WWTR1: variants seen among roughly 807,000 people sequenced by gnomAD.
WWTR1 encodes WW domain-containing transcription regulator protein 1.
A neutral mutation model predicts 40.1 loss-of-function variants in WWTR1; 13 were observed. That is an observed-to-expected ratio of 0.32 (90% confidence interval 0.21 to 0.52). WWTR1 has a LOEUF of 0.52. Among genes scored for constraint, WWTR1 ranks in the 20% least tolerant of loss-of-function variants. The probability of loss-of-function intolerance (pLI) is 0.97; values close to 1 mark genes in which losing one functional copy is unlikely to be tolerated. For missense variants in WWTR1, 436 were observed against 523.1 expected (o/e 0.83, Z 1.63); for synonymous variants, 230 against 210.1 (o/e 1.09, Z -0.82).
intron 4 of WWTR1, among the ~76,000 whole-genome samples, chr3:149,720,220 T>C (rs1715722922): frequency 6.6e-6 from 1 of 152,186 alleles, no homozygotes; most frequent in Non-Finnish European, 1.5e-5. Flanking sequence ...GTTTTTGCCT[T>C]ATGTTTTCTT....
At chr3:149,538,827 T>C (rs994482381) in intron 4 of WWTR1, among the ~76,000 whole-genome samples, 6 of 152,246 alleles carry the variant, frequency 3.9e-5, no homozygotes, top group African/African-American at 1.2e-4. Context: ...ACTCTTCTGG[T>C]CTTTAACTTG....
At chr3:149,541,384 C>T (rs1736094679) in intron 4 of WWTR1, among the ~76,000 whole-genome samples, 1 of 152,194 alleles carries the variant, frequency 6.6e-6, no homozygotes, top group South Asian at 2.1e-4. Flanking sequence ...CGGCAACACA[C>T]TCCTGACTGA....
intron 4 of WWTR1, among the ~76,000 whole-genome samples, chr3:149,535,305 C>A (rs2107924022): frequency 6.6e-6 from 1 of 152,000 alleles, no homozygotes; most frequent in South Asian, 2.1e-4. Context: ...AAATTGCTTT[C>A]TCTGCCAAAA....
intron 2 of WWTR1, among the ~76,000 whole-genome samples, chr3:149,615,742 G>GA (rs1560086419): frequency 6.6e-6 from 1 of 152,156 alleles, no homozygotes; most frequent in Non-Finnish European, 1.5e-5. Context: ...GAAACAGATC[G>GA]AAAGAAACAA....
At chr3:149,528,085 C>T in intron 4 of WWTR1, 116 bp from the exon 5 acceptor site, 1 of 1,331,980 alleles carries the variant, frequency 7.5e-7, no homozygotes, top group Non-Finnish European at 1.0e-6. Flanking sequence ...TTACTCCCAG[C>T]AAGTCAAAAT....
chr3:149,699,292 C>CTTTTTTT (rs35576449), intron 1 of WWTR1, among the ~76,000 whole-genome samples: 2 of 131,748 alleles, frequency 1.5e-5, no homozygotes, highest in Non-Finnish European at 3.3e-5. Context: ...GGTCATCATT[C>CTTTTTTT]TTTTTTTTTT....
Position 149,721,346 on chromosome 3 carries a change from C to G in WWTR1, n.459+2734G>C, listed in dbSNP as rs139751986. 2.6e-5 allele frequency among the ~76,000 whole-genome samples: 4 copies of G among 152,284 alleles called. No individual in the cohort carries two copies. The East Asian group carries it at 7.7e-4, about 29-fold the overall frequency. ...AATTTTGTCAAATGCTTTTTCTGCA[C>G]CACTTGGGATGATCATGTGGCTTTC... On this transcript the variant is annotated intron_variant and non_coding_transcript_variant, in intron 4 of 6. Coordinates refer to the WWTR1 transcript ENST00000474080.
rs1429155932 is a variant in WWTR1, at chr3:149,519,223, A to T, written c.*1582T>A. The T allele has an allele frequency of 6.6e-6, 1 of 152,248 alleles. No individual in the cohort carries two copies. The highest frequency in any genetic ancestry group is 1.5e-5 in the Non-Finnish European group (1 of 68,044). 9.4% of individuals were successfully genotyped at this position (152,248 alleles called of 1,614,324 possible). A position where few individuals can be genotyped will look rare whatever the true frequency, so the allele number is the denominator to read the frequency against. On this transcript the variant is annotated 3_prime_UTR_variant, in exon 7 of 7. Transcript: ENST00000360632. Reference sequence around the variant, plus strand: ...ATGCTCTCTCAGTCCTTAAAAGCTAATTAAAAATGGTTTTGGTTACATAAG... The same window carrying T: ...ATGCTCTCTCAGTCCTTAAAAGCTATTTAAAAATGGTTTTGGTTACATAAG...
chr3:149,688,227 G>A lies in WWTR1; in HGVS notation c.-108+14897C>T, dbSNP rs570781050. On this transcript the variant is annotated intron_variant, in intron 1 of 7. Transcript: ENST00000465804. ...AACCCACTGCCCTGAAGGGAAAGAC[G>A]CAAGCCTGGCAGGATTCATCACCTC... 1.3e-3 allele frequency among the ~76,000 whole-genome samples: 200 copies of A among 152,130 alleles called. 1 individual carries two copies. Among genetic ancestry groups the A allele is most frequent in the African/African-American group, 4.3e-3 (180 of 41,500 alleles).
In WWTR1 at chr3:149,518,246, A is replaced by T. The variant is rs901659703; in HGVS notation, c.*2559T>A. 2 of 152,130 alleles carry T rather than the reference A, an allele frequency of 1.3e-5. No homozygotes were observed. Among genetic ancestry groups the T allele is most frequent in the Non-Finnish European group, 2.9e-5 (2 of 68,020 alleles). 9.4% of individuals were successfully genotyped at this position (152,130 alleles called of 1,614,324 possible). On this transcript the variant is annotated 3_prime_UTR_variant, in exon 7 of 7. Transcript: ENST00000360632. ...TGTTCTAACTAATTTAACTAAAAAA[A>T]TCTTCTAGTATTTTCTGATGCCACA...
rs529748023 is a variant in WWTR1 at position 149,657,762 on chromosome 3, T to C, written c.-4+3A>G. ...TGAGCGCGCGAGCTCCAGCGGGCAC[T>C]ACCTGGGCGGGCAGCGAAGCTGAGC... is the stretch of plus-strand genomic sequence containing the variant. On this transcript the variant is annotated splice_donor_region_variant and intron_variant, in intron 1 of 6. Transcript: ENST00000360632. The C allele has an allele frequency of 6.3e-6, 1 of 158,190 alleles. No homozygotes were observed. Among genetic ancestry groups the C allele is most frequent in the Admixed American group, 6.3e-5 (1 of 15,918 alleles). The allele number at this position is 158,190 out of a possible 1,614,324, so 9.8% of individuals were successfully genotyped here.
intron 3 of WWTR1, among the ~76,000 whole-genome samples, chr3:149,556,943 C>T (rs1171217405): frequency 6.6e-6 from 1 of 151,958 alleles, no homozygotes; most frequent in Non-Finnish European, 1.5e-5. Flanking sequence ...GTAGTATACA[C>T]TCATTTTGGT....
At chr3:149,540,940 A>G (rs1292773507) in intron 4 of WWTR1, 21 of 442,538 alleles carry the variant, frequency 4.7e-5, no homozygotes, top group Admixed American at 1.0e-4. Context: ...TTGATGAGAA[A>G]TACATTATTC....
chr3:149,665,915 T>C (rs1444280324), intron 2 of WWTR1, among the ~76,000 whole-genome samples: 2 of 152,182 alleles, frequency 1.3e-5, no homozygotes, highest in Non-Finnish European at 2.9e-5. Flanking sequence ...GAGAACTAAT[T>C]AGCAGTGTTT....
chr3:149,647,860 A>G (rs1340157478), intron 2 of WWTR1, among the ~76,000 whole-genome samples: 2 of 152,208 alleles, frequency 1.3e-5, no homozygotes, highest in Non-Finnish European at 2.9e-5. Context: ...GGAGTGAGAA[A>G]GTTGACATTT....
chr3:149,619,267 C>G (rs1001519019), intron 2 of WWTR1, among the ~76,000 whole-genome samples: 3 of 152,152 alleles, frequency 2.0e-5, no homozygotes, highest in East Asian at 1.9e-4. Context: ...TTCCCCTCCC[C>G]TTCCAACTCT....
chr3:149,639,208 A>T (rs1361775555), intron 2 of WWTR1, among the ~76,000 whole-genome samples: 1 of 152,068 alleles, frequency 6.6e-6, no homozygotes, highest in African/African-American at 2.4e-5. Flanking sequence ...ATTATCTTGG[A>T]AAAAAATATA....
chr3:149,616,518 C>T (rs1402188046), intron 2 of WWTR1, among the ~76,000 whole-genome samples: 1 of 151,952 alleles, frequency 6.6e-6, no homozygotes, highest in Non-Finnish European at 1.5e-5. Flanking sequence ...TCTCGGCTCA[C>T]CGCAACCTCT....
At chr3:149,612,811 T>G (rs146721926) in intron 2 of WWTR1, among the ~76,000 whole-genome samples, 1 of 152,296 alleles carries the variant, frequency 6.6e-6, no homozygotes, top group African/African-American at 2.4e-5. Context: ...ACCATGAACA[T>G]CGTCTCCTCT....
Sources: allele counts gnomAD v4.1 joint callset (sites outside exome capture counted in the v4.1 genomes callset), GRCh38; gene constraint gnomAD v4.1.1; transcripts MANE v1.5; gene names NCBI Gene and HGNC (gene_info 2026-07-23, HGNC 2026-07-21).